Variants in WDR27 observed in about 807,000 individuals in gnomAD.
The protein encoded by WDR27 is WD repeat-containing protein 27.
A neutral mutation model predicts 114.4 loss-of-function variants in WDR27; 100 were observed. The observed-to-expected ratio is 0.87, with a 90% CI of 0.74 to 1.03. WDR27 has a LOEUF of 1.03. Ranked by LOEUF, WDR27 falls within the 50% of genes least tolerant of loss-of-function variation. The probability of loss-of-function intolerance (pLI) is 0.00; values close to 1 mark genes in which losing one functional copy is unlikely to be tolerated. For synonymous variants in WDR27, 449 were observed against 423.1 expected (o/e 1.06, Z -0.75); for missense variants, 1,129 against 1,092.9 (o/e 1.03, Z -0.47).
chr6:169,524,816 T>G (rs1794768814), intron 25 of WDR27, among the ~76,000 whole-genome samples: 1 of 152,108 alleles, frequency 6.6e-6, no homozygotes, highest in Non-Finnish European at 1.5e-5. Flanking sequence ...AAGACCTGAA[T>G]CTATGAAACT....
intron 18 of WDR27, 31 bp downstream of exon 18, chr6:169,638,508 A>G (rs1818295718): frequency 6.2e-7 from 1 of 1,607,144 alleles, no homozygotes; most frequent in African/African-American, 1.3e-5. Flanking sequence ...TTTGGAAATG[A>G]CTGCCCATGG....
At chr6:169,538,622 T>C (rs193243101) in intron 25 of WDR27, among the ~76,000 whole-genome samples, 4 of 152,104 alleles carry the variant, frequency 2.6e-5, no homozygotes, top group Non-Finnish European at 4.4e-5. Flanking sequence ...CTCTAGGACC[T>C]TGCAATTTCA....
chr6:169,480,600 A>C (rs1285474809), intron 25 of WDR27, among the ~76,000 whole-genome samples: 1 of 151,626 alleles, frequency 6.6e-6, no homozygotes, highest in South Asian at 2.1e-4. Flanking sequence ...TTGTGGATGC[A>C]CCAATCAGCA....
At chr6:169,691,061 A>G (rs1784380778) in intron 1 of WDR27, among the ~76,000 whole-genome samples, 1 of 152,104 alleles carries the variant, frequency 6.6e-6, no homozygotes, top group African/African-American at 2.4e-5. Flanking sequence ...TAAAAATACA[A>G]AAAATTAGCA....
chr6:169,636,435 A>G lies in WDR27; in HGVS notation c.1939T>C (p.Ser647Pro), dbSNP rs892019501. The G allele has an allele frequency of 6.2e-7, 1 of 1,614,000 alleles. No homozygotes were observed. The change falls in exon 19 of 26, where the codon TCT (serine) becomes CCT (proline). Residue 647 changes from serine to proline, a missense_variant. Transcript: ENST00000448612. ...FYYIDAFILL[S>P]SGPEFQLLRY... ...AGTAGCTGAAATTCAGGGCCAGAAGATAACAATATAAAGGCATCTATATAA... is the reference window on the plus strand; with the variant it reads ...AGTAGCTGAAATTCAGGGCCAGAAGGTAACAATATAAAGGCATCTATATAA...
chr6:169,643,170 T>C (rs943027754), intron 17 of WDR27, among the ~76,000 whole-genome samples: 2 of 152,168 alleles, frequency 1.3e-5, no homozygotes, highest in Non-Finnish European at 2.9e-5. Flanking sequence ...AAGCAAGCCA[T>C]ATCAGGATCC....
chr6:169,602,062 C>G (rs1808093137), intron 23 of WDR27, among the ~76,000 whole-genome samples, 157 bp downstream of exon 23: 1 of 152,210 alleles, frequency 6.6e-6, no homozygotes, highest in Non-Finnish European at 1.5e-5. Flanking sequence ...ATACCTCACA[C>G]ATTATTAAAA....
At chr6:169,588,411 A>G (rs1033314369) in intron 23 of WDR27, among the ~76,000 whole-genome samples, 13 of 152,196 alleles carry the variant, frequency 8.5e-5, no homozygotes, top group Non-Finnish European at 1.5e-4. Flanking sequence ...CATTCATGAC[A>G]TATGTTTTTA....
chr6:169,528,340 T>C (rs1237409663), intron 25 of WDR27, among the ~76,000 whole-genome samples: 1 of 152,136 alleles, frequency 6.6e-6, no homozygotes, highest in African/African-American at 2.4e-5. Context: ...GTATACTAAA[T>C]ATGGTTCCAT....
intron 25 of WDR27, among the ~76,000 whole-genome samples, chr6:169,546,222 C>T (rs1303580977): frequency 6.6e-6 from 1 of 152,172 alleles, no homozygotes; most frequent in Non-Finnish European, 1.5e-5. Flanking sequence ...CTCAGTGTTT[C>T]CAATAAAAGG....
chr6:169,501,547 C>T (rs1168655048), intron 25 of WDR27, among the ~76,000 whole-genome samples: 2 of 152,180 alleles, frequency 1.3e-5, no homozygotes, highest in Non-Finnish European at 2.9e-5. Flanking sequence ...CTATCTAGCC[C>T]GCAGGAAAAG....
chr6:169,477,749 T>C (rs1787386440), intron 25 of WDR27, among the ~76,000 whole-genome samples: 1 of 152,198 alleles, frequency 6.6e-6, no homozygotes, highest in Admixed American at 6.5e-5. Context: ...GGCAGTTTCT[T>C]ATAAAGTAAA....
At chr6:169,497,596 T>G (rs1384846105) in intron 25 of WDR27, among the ~76,000 whole-genome samples, 1 of 150,656 alleles carries the variant, frequency 6.6e-6, no homozygotes, top group Non-Finnish European at 1.5e-5. Context: ...ATTAAGAACT[T>G]GAATAGACAT....
At chr6:169,632,321 G>A (rs1372146779) in intron 21 of WDR27, among the ~76,000 whole-genome samples, 2 of 151,892 alleles carry the variant, frequency 1.3e-5, no homozygotes, top group Admixed American at 6.6e-5. Context: ...CAGATGCATC[G>A]TAAGTTAAAT....
At chr6:169,434,233 A>C in the WDR27 span, among the ~76,000 whole-genome samples, 3,085 of 152,296 alleles carry the variant, frequency 0.02, 63 homozygotes, top group East Asian at 0.071. Context: ...TTTTACATTT[A>C]AGTCCTTAAT....
intron 25 of WDR27, among the ~76,000 whole-genome samples, chr6:169,525,810 G>A (rs768013543): frequency 2.0e-5 from 3 of 152,000 alleles, no homozygotes; most frequent in Non-Finnish European, 2.9e-5. Context: ...AGAACTATTC[G>A]CAACAGCCAA....
rs370926185 is a variant in WDR27 at position 169,514,873 on chromosome 6, G to A, written c.2646-57239C>T. ...AAGGAAATTTTTTATTTGACAAATA[G>A]TAATTACAAAAATAATAATTACTTT... On this transcript the variant is annotated intron_variant, in intron 25 of 25. Transcript: ENST00000448612. Among the ~76,000 whole-genome samples the A allele has an allele frequency of 2.0e-5, 3 of 150,730 alleles. No individual in the cohort carries two copies. The East Asian group carries it at 5.8e-4, about 29-fold the overall frequency.
the WDR27 span, among the ~76,000 whole-genome samples, chr6:169,443,724 C>A: frequency 6.6e-6 from 1 of 152,210 alleles, no homozygotes; most frequent in Non-Finnish European, 1.5e-5. Flanking sequence ...CATCGCTCAG[C>A]CACCAAGGAC....
In WDR27 at chr6:169,672,214, T is replaced by C. The variant is rs1353150867; in HGVS notation, c.331+41A>G. On this transcript the variant is annotated intron_variant, in intron 3 of 25. Coordinates refer to ENST00000448612, the MANE Select transcript of WDR27 (RefSeq NM_182552.5). ...AGTATACTGAAGGATGAGTTATTCC[T>C]TTTGCAGGTTTTTAAAAACATGTTT... The C allele has an allele frequency of 2.5e-6, 4 of 1,599,626 alleles. No homozygotes were observed. The Admixed American group carries it at 5.1e-5, about 21-fold the overall frequency.
Sources: allele counts gnomAD v4.1 joint callset (sites outside exome capture counted in the v4.1 genomes callset), GRCh38; gene constraint gnomAD v4.1.1; transcripts MANE v1.5; gene names NCBI Gene and HGNC (gene_info 2026-07-23, HGNC 2026-07-21).